The following RNF10 variants were observed in gnomAD, a reference collection of about 807,000 sequenced individuals.
RNF10 encodes ring finger protein 10.
Under a neutral mutation model 91.4 loss-of-function variants are expected in RNF10, and 38 were observed. The observed-to-expected ratio is 0.42, with a 90% confidence interval of 0.32 to 0.54. RNF10 has a LOEUF of 0.54. Among genes scored for constraint, RNF10 ranks in the 20% least tolerant of loss-of-function variants. The probability of loss-of-function intolerance (pLI) is 0.16; values close to 1 mark genes in which losing one functional copy is unlikely to be tolerated. For missense variants in RNF10, 945 were observed against 1,012.0 expected, an observed-to-expected ratio of 0.93 and a Z score of 0.90; for synonymous variants, 364 against 366.3, an observed-to-expected ratio of 0.99 and a Z score of 0.07.
At position 120,545,753 on chromosome 12, in the gene RNF10, G is replaced by C. The variant is rs571664771; in HGVS notation, c.158-652G>C. Among the ~76,000 whole-genome samples, 84 of 152,190 alleles carry C rather than the reference G, an allele frequency of 5.5e-4. 4 individuals carry two copies. In the South Asian group the frequency reaches 0.017, roughly 30 times the overall value. Reference sequence around the variant, plus strand: ...GGGGTTTCACCATGTTGGCCAGGCTGGTCTCAAACTCCTGACCTCAGGTGA... The same window carrying C: ...GGGGTTTCACCATGTTGGCCAGGCTCGTCTCAAACTCCTGACCTCAGGTGA... On this transcript the variant is annotated intron_variant, in intron 1 of 16. Coordinates refer to ENST00000325954, the MANE Select transcript of RNF10 (RefSeq NM_014868.5).
chr12:120,566,736 T>C, intron 12 of RNF10, 89 bp from the exon 13 acceptor site: 2 of 1,220,442 alleles, frequency 1.6e-6, no homozygotes, highest in Non-Finnish European at 2.4e-6. Flanking sequence ...CACTCCAGCC[T>C]GGGTGACAGA....
At chr12:120,566,731 C>CGAG (rs1875761581) in intron 12 of RNF10, 94 bp from the exon 13 acceptor site, 1 of 1,188,514 alleles carries the variant, frequency 8.4e-7, no homozygotes, top group Admixed American at 2.1e-5. Context: ...CACTACACTC[C>CGAG]AGCCTGGGTG....
chr12:120,574,363 T>C (rs1382274556), intron 14 of RNF10: 2 of 437,618 alleles, frequency 4.6e-6, no homozygotes, highest in Non-Finnish European at 9.2e-6. Context: ...ATATTTGCAG[T>C]TGGGGCTCAT....
chr12:120,573,057 CT>C (rs1876904589), intron 14 of RNF10, among the ~76,000 whole-genome samples: 1 of 152,022 alleles, frequency 6.6e-6, no homozygotes, highest in Non-Finnish European at 1.5e-5. Flanking sequence ...TATATATTTG[CT>C]TTCTCTTTTT....
At chr12:120,549,314 G>A (rs775085246) in intron 2 of RNF10, among the ~76,000 whole-genome samples, 11 of 152,172 alleles carry the variant, frequency 7.2e-5, no homozygotes, top group Non-Finnish European at 1.5e-4. Context: ...ATGGACTGCA[G>A]AAGCGTACTA....
chr12:120,542,842 G>A (rs994898292), intron 1 of RNF10, among the ~76,000 whole-genome samples: 1 of 152,218 alleles, frequency 6.6e-6, no homozygotes, highest in Non-Finnish European at 1.5e-5. Flanking sequence ...GAGCCACCAT[G>A]CCTGGCCTTA....
At position 120,577,352 on chromosome 12, in the gene RNF10, C is replaced by T. The variant is rs552539307; in HGVS notation, c.*686C>T. 8.9e-4 allele frequency: 310 copies of T among 349,894 alleles called. 3 individuals carry two copies. Among genetic ancestry groups the T allele is most frequent in the South Asian group, 5.8e-3 (277 of 47,368 alleles). The allele number at this position is 349,894 out of a possible 1,614,324, so 21.7% of individuals were successfully genotyped here. ...CCCTGAGACCTGCTACCCCTAAGAT[C>T]GAGCTTGTTTTCAGTGACTGGCTTG... On this transcript the variant is annotated 3_prime_UTR_variant, in exon 17 of 17. Coordinates refer to ENST00000325954, the MANE Select transcript of RNF10 (RefSeq NM_014868.5).
In RNF10 at chr12:120,557,307, C is replaced by G; in HGVS notation, c.671C>G (p.Ser224Cys). The change falls in exon 5 of 17, where the codon TCT (serine) becomes TGT (cysteine). Residue 224 changes from serine to cysteine, a missense_variant. Ser to Cys is a moderately radical substitution (Grantham distance 112, BLOSUM62 -1). Transcript: ENST00000325954. ...CGCATTTGTAGCCATGAAGTGCCAT[C>G]TTGCCCAATATGCCTCTATCCACCT... is the stretch of plus-strand genomic sequence containing the variant. ...QVRICSHEVP[S>C]CPICLYPPTA... is the part of the protein sequence containing the mutation. 2 of 1,614,140 alleles carry G rather than the reference C, an allele frequency of 1.2e-6. No homozygotes were observed. Among genetic ancestry groups the G allele is most frequent in the South Asian group, 1.1e-5 (1 of 91,078 alleles).
chr12:120,571,129 C>A (rs190783941), intron 13 of RNF10, 62 bp from the exon 14 acceptor site: 4 of 1,129,484 alleles, frequency 3.5e-6, no homozygotes, highest in South Asian at 2.5e-5. Flanking sequence ...TCACTCATCT[C>A]TCTTGTTAAG....
chr12:120,569,176 T>A (rs1437553248), intron 13 of RNF10, among the ~76,000 whole-genome samples: 2 of 151,938 alleles, frequency 1.3e-5, no homozygotes, highest in South Asian at 4.2e-4. Context: ...TCCATGTTGG[T>A]CAGGCTAGTC....
chr12:120,550,516 T>C (rs1872887863), intron 2 of RNF10, among the ~76,000 whole-genome samples: 1 of 151,796 alleles, frequency 6.6e-6, no homozygotes, highest in South Asian at 2.1e-4. Context: ...AGATGAAAAA[T>C]AAGGGATGAC....
chr12:120,569,302 T>C (rs1402783523), intron 13 of RNF10, among the ~76,000 whole-genome samples: 1 of 151,996 alleles, frequency 6.6e-6, no homozygotes, highest in Non-Finnish European at 1.5e-5. Flanking sequence ...CTGTCGGGCA[T>C]TCTTAACAAA....
chr12:120,573,534 C>G (rs563231763), intron 14 of RNF10, among the ~76,000 whole-genome samples: 5 of 151,802 alleles, frequency 3.3e-5, no homozygotes, highest in Admixed American at 1.3e-4. Flanking sequence ...TGGATACTGT[C>G]TCAGTCCATT....
At chr12:120,548,785 A>G (rs911951618) in intron 2 of RNF10, among the ~76,000 whole-genome samples, 1 of 151,136 alleles carries the variant, frequency 6.6e-6, no homozygotes, top group Non-Finnish European at 1.5e-5. Flanking sequence ...CAGTCTCCCG[A>G]GTAGCTGGGA....
At chr12:120,548,494 G>A (rs1007649869) in intron 2 of RNF10, among the ~76,000 whole-genome samples, 8 of 152,120 alleles carry the variant, frequency 5.3e-5, no homozygotes, top group Admixed American at 3.3e-4. Flanking sequence ...AGGACTGAAA[G>A]TTGACCATTC....
In RNF10 at chr12:120,535,065, A is replaced by G. The variant is rs576797532; in HGVS notation, c.157+97A>G. 1.7e-5 allele frequency: 23 copies of G among 1,327,528 alleles called. No homozygotes were observed. The East Asian group carries it at 5.6e-4, about 32-fold the overall frequency. The allele number at this position is 1,327,528 out of a possible 1,614,324, so 82.2% of individuals were successfully genotyped here. The stretch of plus-strand genomic sequence containing the variant: ...GCTGGGTTACTCGGGGACAGGCTCC[A>G]CTTTCTTTTATAGCTCCTACCTGCC... On this transcript the variant is annotated intron_variant, in intron 1 of 16. Coordinates refer to ENST00000325954, the MANE Select transcript of RNF10 (RefSeq NM_014868.5).
In RNF10 at chr12:120,563,398, T is replaced by C; in HGVS notation, c.1306T>C (p.Ser436Pro). ...CGATGAAGAAACCACGGAAGTTTGT[T>C]CTCTGGACACTCCTTCTAGACCTCT... Reference protein sequence around the residue: ...AFDEETTEVCSLDTPSRPLAL... With the variant: ...AFDEETTEVCPLDTPSRPLAL... The change falls in exon 9 of 17, where the codon TCT (serine) becomes CCT (proline). Residue 436 changes from serine (S) to proline (P), a missense_variant. Physicochemically the swap from Ser to Pro is moderately conservative, Grantham distance 74. Coordinates refer to ENST00000325954, the MANE Select transcript of RNF10 (RefSeq NM_014868.5). The C allele has an allele frequency of 6.2e-7, 1 of 1,614,058 alleles. No homozygotes were observed.
chr12:120,562,767 C>T (rs1425730492), intron 7 of RNF10, among the ~76,000 whole-genome samples, 178 bp from the exon 8 acceptor site: 1 of 152,162 alleles, frequency 6.6e-6, no homozygotes, highest in African/African-American at 2.4e-5. Context: ...GTATTGCATG[C>T]TTTTTGCTTC....
chr12:120,559,141 G>T lies in RNF10; in HGVS notation c.967+1459G>T, dbSNP rs563009357. 4.2e-5 allele frequency among the ~76,000 whole-genome samples: 6 copies of T among 143,230 alleles called. No homozygotes were observed. In the South Asian group the frequency reaches 1.1e-3, roughly 26 times the overall value. The allele number at this position is 143,230 out of a possible 152,430, so 94.0% of individuals were successfully genotyped here. A position where few individuals can be genotyped will look rare whatever the true frequency, so the allele number is the denominator to read the frequency against. ...TATTTTTATTTTTAGCAGAGATGAG[G>T]TCTTGCTATGTTGATAGGCTGGTCT... On this transcript the variant is annotated intron_variant, in intron 6 of 16. Coordinates refer to ENST00000325954, the MANE Select transcript of RNF10 (RefSeq NM_014868.5).
Sources: gnomAD v4.1 joint callset for allele counts (sites outside exome capture counted in the v4.1 genomes callset) on GRCh38, gnomAD v4.1.1 for gene constraint, MANE v1.5 for transcripts, NCBI Gene and HGNC (gene_info 2026-07-23, HGNC 2026-07-21) for gene names.